The following PLOD3 variants were observed in gnomAD, a reference collection of about 807,000 sequenced individuals.
PLOD3 encodes the protein procollagen-lysine,2-oxoglutarate 5-dioxygenase 3.
Under a neutral mutation model 96.9 loss-of-function variants are expected in PLOD3, and 73 were observed. The observed-to-expected ratio is 0.75, with a 90% CI of 0.62 to 0.92. The LOEUF is 0.92. Ranked by LOEUF, PLOD3 falls within the 40% of genes least tolerant of loss-of-function variation. The pLI is 0.00. For missense variants in PLOD3, 1,004 were observed against 1,004.3 expected, an observed-to-expected ratio of 1.00 and a Z score of 0.00; for synonymous variants, 454 against 413.7, an observed-to-expected ratio of 1.10 and a Z score of -1.18.
At position 101,210,096 on chromosome 7, in the gene PLOD3, C is replaced by T. The variant is rs1438671027; in HGVS notation, c.1680G>A (p.Glu560=). Residue 560 remains glutamate (E), a synonymous_variant, in exon 15 of 19, where the codon GAG becomes GAA. Transcript: ENST00000223127. ...SRALEGEGIV[E]QPCPDVYWFP... is the part of the protein sequence containing the mutation. ...TGGGGAGGCTGCGTGGGCTCACCTGCTCCACGATTCCTTCCCCTTCCAGGG... is the reference window on the plus strand; with the variant it reads ...TGGGGAGGCTGCGTGGGCTCACCTGTTCCACGATTCCTTCCCCTTCCAGGG... The T allele has an allele frequency of 6.3e-7, 1 of 1,592,006 alleles. No homozygotes were observed.
At chr7:101,216,375 A>G in intron 3 of PLOD3, 35 bp downstream of exon 3, 5 of 1,613,804 alleles carry the variant, frequency 3.1e-6, no homozygotes, top group Non-Finnish European at 4.2e-6. Flanking sequence ...GAACCTCAGC[A>G]TCCTTACCCC....
rs1318508025 is a variant in PLOD3, at chr7:101,212,353, T to C, written c.1027A>G (p.Ile343Val). 2 of 1,613,034 alleles carry C rather than the reference T, an allele frequency of 1.2e-6. No individual in the cohort carries two copies. The highest frequency in any genetic ancestry group is 2.7e-5 in the African/African-American group (2 of 74,666). ...TGGAGCTGCGGCCAGGAGTCAGCGA[T>C]GTGGGGTTCATGGAAGACCTCCTGG... ...HNNEVFHEPH[I>V]ADSWPQLQDH... Residue 343 changes from isoleucine to valine, a missense_variant, in exon 10 of 19, where the codon ATC becomes GTC. Coordinates refer to ENST00000223127, the MANE Select transcript of PLOD3 (RefSeq NM_001084.5).
At position 101,212,376 on chromosome 7, in the gene PLOD3, TG is replaced by T. The variant is rs1357493245; in HGVS notation, c.1006-3del. 2.7e-5 allele frequency: 44 copies of T among 1,609,012 alleles called. No homozygotes were observed. Among genetic ancestry groups the T allele is most frequent in the Non-Finnish European group, 3.6e-5 (43 of 1,178,274 alleles). On this transcript the variant is annotated splice_polypyrimidine_tract_variant and splice_region_variant and intron_variant, in intron 9 of 18. Coordinates refer to ENST00000223127, the MANE Select transcript of PLOD3 (RefSeq NM_001084.5). ...GATGTGGGGTTCATGGAAGACCTCC[TG>T]GGAGGGGAAGACATAGGGGGATGGG...
chr7:101,215,982 G>C lies in PLOD3; in HGVS notation c.541C>G (p.Arg181Gly). ...GFATTIHQIV[R>G]QWKYKDDDDD... Reference sequence around the variant, plus strand: ...TCATCATCCTTGTACTTCCACTGGCGCACGATTTGGTGGATGGTGGTGGCA... The same window carrying C: ...TCATCATCCTTGTACTTCCACTGGCCCACGATTTGGTGGATGGTGGTGGCA... The change falls in exon 5 of 19, where the codon CGC becomes GGC. Residue 181 changes from arginine (R) to glycine (G), a missense_variant. By Grantham distance (125) the Arg-to-Gly change is moderately radical (BLOSUM62 -2). Coordinates refer to ENST00000223127, the MANE Select transcript of PLOD3 (RefSeq NM_001084.5). The C allele has an allele frequency of 6.2e-7, 1 of 1,614,044 alleles. No homozygotes were observed. The highest frequency in any genetic ancestry group is 8.5e-7 in the Non-Finnish European group (1 of 1,179,952).
rs1798205102 is a variant in PLOD3, at chr7:101,212,665, G to A, written c.880-10C>T. On this transcript the variant is annotated splice_polypyrimidine_tract_variant and intron_variant, in intron 8 of 18. Transcript: ENST00000223127. ...ACACCCGGGGGGGAGGCTGGAAGAT[G>A]CAACACGCAGGGACTCAGAGAGAAG... 2 of 1,613,418 alleles carry A rather than the reference G, an allele frequency of 1.2e-6. No individual in the cohort carries two copies. The highest frequency in any genetic ancestry group is 2.2e-5 in the East Asian group (1 of 44,890).
chr7:101,210,419 T>C lies in PLOD3; in HGVS notation c.1526A>G (p.Gln509Arg), dbSNP rs747845058. 7.4e-6 allele frequency: 12 copies of C among 1,614,186 alleles called. No homozygotes were observed. The East Asian group carries it at 2.5e-4, about 33-fold the overall frequency. ...DKGIFLHLSN[Q>R]HEFGRLLATS... The stretch of plus-strand genomic sequence containing the variant: ...GGCCAGGAGCCGGCCAAATTCATGC[T>C]GATTGCTCAGATGGAGGAAGATGCC... Residue 509 changes from glutamine (Q) to arginine (R), a missense_variant, in exon 14 of 19, where the codon CAG becomes CGG. Physicochemically the swap from Gln to Arg is conservative, Grantham distance 43. Transcript: ENST00000223127.
rs751336941 is a variant in PLOD3 at position 101,210,565 on chromosome 7, C to G, written c.1467G>C (p.Pro489=). The stretch of plus-strand genomic sequence containing the variant: ...GAAAGCTCTTACAGAAGGCCATGTC[C>G]GGGTCTGTGTCACTGCCCGAGAACA... ...RDVFSGSDTD[P]DMAFCKSFRD... The change falls in exon 13 of 19, where the codon CCG becomes CCC. Residue 489 remains proline (P), a synonymous_variant. Coordinates refer to ENST00000223127, the MANE Select transcript of PLOD3 (RefSeq NM_001084.5). The G allele has an allele frequency of 1.4e-5, 23 of 1,614,072 alleles. No individual in the cohort carries two copies. The South Asian group carries it at 2.4e-4, about 17-fold the overall frequency.
At position 101,206,895 on chromosome 7, in the gene PLOD3, C is replaced by T; in HGVS notation, c.1945G>A (p.Val649Met). The T allele has an allele frequency of 6.4e-7, 1 of 1,557,272 alleles. No homozygotes were observed. The highest frequency in any genetic ancestry group is 8.7e-7 in the Non-Finnish European group (1 of 1,149,998). ...FPGYHTKARA[V>M]MNFVVRYRPD... Reference sequence around the variant, plus strand: ...CGGTAGCGAACCACAAAGTTCATCACCGCCCGCGCCTGGGGGAGAGGAGGG... The same window carrying T: ...CGGTAGCGAACCACAAAGTTCATCATCGCCCGCGCCTGGGGGAGAGGAGGG... Residue 649 changes from valine (V) to methionine (M), a missense_variant, in exon 18 of 19, where the codon GTG becomes ATG. Transcript: ENST00000223127.
chr7:101,213,015 A>G, intron 7 of PLOD3, 72 bp from the exon 8 acceptor site: 2 of 1,144,286 alleles, frequency 1.7e-6, no homozygotes, highest in East Asian at 7.9e-5. Flanking sequence ...CACCTCTGAT[A>G]TGGGGGCTGG....
chr7:101,217,199 C>G lies in PLOD3; in HGVS notation c.76G>C (p.Asp26His), dbSNP rs941515853. 1.3e-6 allele frequency: 2 copies of G among 1,497,560 alleles called. No homozygotes were observed. Among genetic ancestry groups the G allele is most frequent in the South Asian group, 1.3e-5 (1 of 78,136 alleles). 92.8% of individuals were successfully genotyped at this position (1,497,560 alleles called of 1,614,324 possible). A position where few individuals can be genotyped will look rare whatever the true frequency, so the allele number is the denominator to read the frequency against. ...ACCGGGTCTCGGCCCCGGGGCCGGTCGGAGGCTGAGGCCGCAGGGGGCAGC... is the reference window on the plus strand; with the variant it reads ...ACCGGGTCTCGGCCCCGGGGCCGGTGGGAGGCTGAGGCCGCAGGGGGCAGC... ...LLLPPAASASDRPRGRDPVNP... is the reference protein window; with the variant it reads ...LLLPPAASASHRPRGRDPVNP... Residue 26 changes from aspartate to histidine, a missense_variant, in exon 1 of 19, where the codon GAC (aspartate) becomes CAC (histidine). This residue lies in a region of PLOD3 where 690 missense variants were observed against 650.2 expected (regional missense o/e 1.06). Transcript: ENST00000223127.
rs1457671346 is a variant in PLOD3 at position 101,206,907 on chromosome 7, G to A, written c.1936-3C>T. On this transcript the variant is annotated splice_polypyrimidine_tract_variant and splice_region_variant and intron_variant, in intron 17 of 18. Transcript: ENST00000223127. ...ACAAAGTTCATCACCGCCCGCGCCT[G>A]GGGGAGAGGAGGGAAGAGGCTGCAG... 61 of 1,555,632 alleles carry A rather than the reference G, an allele frequency of 3.9e-5. No individual in the cohort carries two copies. In the Admixed American group the frequency reaches 1.1e-3, roughly 29 times the overall value.
At position 101,217,330 on chromosome 7, in the gene PLOD3, G is replaced by T; in HGVS notation, c.-56C>A. 1 of 1,349,906 alleles carries T rather than the reference G, an allele frequency of 7.4e-7. No individual in the cohort carries two copies. Among genetic ancestry groups the T allele is most frequent in the Non-Finnish European group, 9.5e-7 (1 of 1,050,252 alleles). 83.6% of individuals were successfully genotyped at this position (1,349,906 alleles called of 1,614,324 possible). ...ATCCTGGGATCTCCGCTACGCGCCT[G>T]GATCCCAGCTCCGGAGGGGAGCTCT... On this transcript the variant is annotated 5_prime_UTR_variant, in exon 1 of 19. Coordinates refer to ENST00000223127, the MANE Select transcript of PLOD3 (RefSeq NM_001084.5).
Position 101,217,319 on chromosome 7 carries a change from G to C in PLOD3, c.-45C>G. 7.3e-7 allele frequency: 1 copy of C among 1,363,566 alleles called. No homozygotes were observed. Among genetic ancestry groups the C allele is most frequent in the Non-Finnish European group, 9.5e-7 (1 of 1,056,640 alleles). The allele number at this position is 1,363,566 out of a possible 1,614,324, so 84.5% of individuals were successfully genotyped here. A position where few individuals can be genotyped will look rare whatever the true frequency, so the allele number is the denominator to read the frequency against. ...CAGCACCCAGGATCCTGGGATCTCC[G>C]CTACGCGCCTGGATCCCAGCTCCGG... On this transcript the variant is annotated 5_prime_UTR_variant, in exon 1 of 19. Transcript: ENST00000223127.
Position 101,217,279 on chromosome 7 carries a change from G to T in PLOD3, c.-5C>A. ...TCCAGGCCCCGAGGAGGTCATGGTGGGGAGCGGGCCCAGACAGCACCCAGG... is the reference window on the plus strand; with the variant it reads ...TCCAGGCCCCGAGGAGGTCATGGTGTGGAGCGGGCCCAGACAGCACCCAGG... On this transcript the variant is annotated 5_prime_UTR_variant, in exon 1 of 19. Coordinates refer to ENST00000223127, the MANE Select transcript of PLOD3 (RefSeq NM_001084.5). The T allele has an allele frequency of 1.4e-6, 2 of 1,476,650 alleles. No individual in the cohort carries two copies. The highest frequency in any genetic ancestry group is 1.8e-6 in the Non-Finnish European group (2 of 1,114,092). 91.5% of individuals were successfully genotyped at this position (1,476,650 alleles called of 1,614,324 possible).
Position 101,210,429 on chromosome 7 carries a change from G to A in PLOD3, c.1516C>T (p.Leu506=). ...CGGCCAAATTCATGCTGATTGCTCA[G>A]ATGGAGGAAGATGCCCTGTAGTGGG... ...SFRDKGIFLH[L]SNQHEFGRLL... Residue 506 remains leucine (L), a synonymous_variant, in exon 14 of 19, where the codon CTG becomes TTG. Coordinates refer to ENST00000223127, the MANE Select transcript of PLOD3 (RefSeq NM_001084.5). 3 of 1,614,158 alleles carry A rather than the reference G, an allele frequency of 1.9e-6. No individual in the cohort carries two copies. Among genetic ancestry groups the A allele is most frequent in the Non-Finnish European group, 2.5e-6 (3 of 1,180,002 alleles).
rs1287440412 is a variant in PLOD3 at position 101,212,562 on chromosome 7, G to C, written c.973C>G (p.Pro325Ala). Residue 325 changes from proline to alanine, a missense_variant, in exon 9 of 19, where the codon CCC becomes GCC. Coordinates refer to ENST00000223127, the MANE Select transcript of PLOD3 (RefSeq NM_001084.5). ...TGCAGGAAAAGGGTGACCCTGTCGGGGGGATAGTCCAGGAGTAGCAGCCGC... is the reference window on the plus strand; with the variant it reads ...TGCAGGAAAAGGGTGACCCTGTCGGCGGGATAGTCCAGGAGTAGCAGCCGC... The part of the protein sequence containing the change: ...LQRLLLLDYP[P>A]DRVTLFLHNN... The C allele has an allele frequency of 1.9e-6, 3 of 1,613,794 alleles. No homozygotes were observed. The East Asian group carries it at 6.7e-5, about 36-fold the overall frequency.
rs747843071 is a variant in PLOD3 at position 101,212,260 on chromosome 7, T to G, written c.1120A>C (p.Met374Leu). 6 of 1,612,738 alleles carry G rather than the reference T, an allele frequency of 3.7e-6. No homozygotes were observed. The South Asian group carries it at 6.6e-5, about 18-fold the overall frequency. The stretch of plus-strand genomic sequence containing the variant: ...CCGCAAGCACCCGCTCACATGGCCA[T>G]GTCCCTGGCCTCGCCTGGGCTCAGA... ...EALSPGEARD[M>L]AMDLCRQDPE... is the part of the protein sequence containing the mutation. Residue 374 changes from methionine (M) to leucine (L), a missense_variant, in exon 10 of 19, where the codon ATG (methionine) becomes CTG (leucine). This residue lies in a region of PLOD3 where 690 missense variants were observed against 650.2 expected (regional missense o/e 1.06). Coordinates refer to ENST00000223127, the MANE Select transcript of PLOD3 (RefSeq NM_001084.5).
At chr7:101,212,784 T>C in intron 8 of PLOD3, 58 bp downstream of exon 8, 1 of 1,562,516 alleles carries the variant, frequency 6.4e-7, no homozygotes, top group African/African-American at 1.4e-5. Context: ...CCGCTGTCCT[T>C]GTACCTCCTG....
rs559539884 is a variant in PLOD3, at chr7:101,206,092, G to A, written c.*189C>T. On this transcript the variant is annotated 3_prime_UTR_variant, in exon 19 of 19. Transcript: ENST00000223127. ...CGAACCCCTGTGGGCGGAGGAGAGA[G>A]GCGGGGACTCCGGGAGCTTCCTGAG... is the stretch of plus-strand genomic sequence containing the variant. The A allele has an allele frequency of 5.8e-6, 4 of 686,724 alleles. No homozygotes were observed. In the South Asian group the frequency reaches 6.4e-5, roughly 11 times the overall value. 42.5% of individuals were successfully genotyped at this position (686,724 alleles called of 1,614,324 possible). A position where few individuals can be genotyped will look rare whatever the true frequency, so the allele number is the denominator to read the frequency against.
Sources: gnomAD v4.1 joint callset for allele counts on GRCh38, gnomAD v4.1.1 for gene constraint, gnomAD v4.1.1 regional missense constraint, MANE v1.5 for transcripts, NCBI Gene and HGNC (gene_info 2026-07-23, HGNC 2026-07-21) for gene names.